Variants in TMEM247 observed in about 807,000 individuals in gnomAD.
TMEM247 encodes transmembrane protein ENSP00000343375.
TMEM247 carries 23 observed loss-of-function variants against 20.7 expected under a neutral mutation model. That is an observed-to-expected ratio of 1.11 (90% CI 0.80 to 1.57). The LOEUF is 1.57. Ranked by LOEUF, TMEM247 falls within the 40% of genes most tolerant of loss-of-function variation. The pLI is 0.00. For synonymous variants in TMEM247, 106 were observed against 111.9 expected (o/e 0.95, Z 0.33); for missense variants, 354 against 283.8 (o/e 1.25, Z -1.78).
At chr2:46,479,655 A>T in exon 1 of TMEM247, 1 of 1,551,712 alleles carries the variant, frequency 6.4e-7, no homozygotes, top group East Asian at 2.4e-5. Flanking sequence ...CTTCCCCAAG[A>T]TGGTGCCTGG....
chr2:46,480,932 T>C (rs528727137), intron 2 of TMEM247, among the ~76,000 whole-genome samples, 168 bp downstream of exon 2: 25 of 152,262 alleles, frequency 1.6e-4, no homozygotes, highest in African/African-American at 5.5e-4. Context: ...TCCAGCCCTC[T>C]CCGCCTTGGC....
At chr2:46,479,810 G>A in intron 1 of TMEM247, 108 bp downstream of exon 1, 1 of 789,884 alleles carries the variant, frequency 1.3e-6, no homozygotes, top group South Asian at 1.7e-5. Context: ...AGAACATCAG[G>A]TGACATGTAC....
rs1301504159 is a variant in TMEM247, at chr2:46,484,295, T to C, written c.529T>C (p.Phe177Leu). Residue 177 changes from phenylalanine (F) to leucine (L), a missense_variant, in exon 3 of 3, where the codon TTC (phenylalanine) becomes CTC (leucine). Physicochemically the swap from Phe to Leu is conservative, Grantham distance 22. Coordinates refer to ENST00000434431, the Ensembl canonical transcript of TMEM247. ...GCTGCCCCAGAACCAGTTTGCCATG[T>C]TCCTGTACTGCTTCATCTTCATTCA... 2.6e-6 allele frequency: 4 copies of C among 1,552,226 alleles called. No homozygotes were observed. In the South Asian group the frequency reaches 4.8e-5, roughly 18 times the overall value.
chr2:46,483,863 C>T (rs1686937211), intron 2 of TMEM247, among the ~76,000 whole-genome samples: 1 of 152,176 alleles, frequency 6.6e-6, no homozygotes, highest in South Asian at 2.1e-4. Context: ...GCATAGCTCA[C>T]CATAACCCCG....
At chr2:46,481,302 GA>G (rs1209757115) in intron 2 of TMEM247, among the ~76,000 whole-genome samples, 4 of 152,184 alleles carry the variant, frequency 2.6e-5, no homozygotes, top group East Asian at 3.9e-4. Flanking sequence ...CTAGTCAACT[GA>G]AACAGCCATC....
chr2:46,480,720 G>A (rs1397901502), exon 2 of TMEM247: 7 of 1,551,366 alleles, frequency 4.5e-6, no homozygotes, highest in Admixed American at 2.0e-5. Context: ...GCGGCAGCAC[G>A]AGGTGGTGAT....
chr2:46,483,765 C>A (rs540021966), intron 2 of TMEM247, among the ~76,000 whole-genome samples: 1 of 152,274 alleles, frequency 6.6e-6, no homozygotes, highest in African/African-American at 2.4e-5. Flanking sequence ...CATTATCTCA[C>A]TTTTCCTCCT....
In TMEM247 at chr2:46,480,784, G is replaced by A. The variant is rs934022828; in HGVS notation, c.477+20G>A. The A allele has an allele frequency of 4.7e-6, 6 of 1,271,418 alleles. No homozygotes were observed. The highest frequency in any genetic ancestry group is 3.4e-5 in the African/African-American group (2 of 58,756). The allele number at this position is 1,271,418 out of a possible 1,614,324, so 78.8% of individuals were successfully genotyped here. Reference sequence around the variant, plus strand: ...CGCCTGGTGGGTGACAAGGAACGGGGCACTGGGAGGAGGGAGGCCTGGAGC... The same window carrying A: ...CGCCTGGTGGGTGACAAGGAACGGGACACTGGGAGGAGGGAGGCCTGGAGC... On this transcript the variant is annotated intron_variant, in intron 2 of 2. Transcript: ENST00000434431.
At position 46,480,540 on chromosome 2, in the gene TMEM247, G is replaced by A. The variant is rs1326077198; in HGVS notation, c.253G>A (p.Asp85Asn). The change falls in exon 2 of 3, where the codon GAC becomes AAC. Residue 85 changes from aspartate to asparagine, a missense_variant. Coordinates refer to ENST00000434431, the Ensembl canonical transcript of TMEM247. Reference sequence around the variant, plus strand: ...CCGTGCTACCAAAGGCCAGGCTGGCGACGGACCCAAACCCGCAGAGCTGCC... The same window carrying A: ...CCGTGCTACCAAAGGCCAGGCTGGCAACGGACCCAAACCCGCAGAGCTGCC... 5.2e-6 allele frequency: 8 copies of A among 1,551,586 alleles called. No homozygotes were observed. The East Asian group carries it at 1.2e-4, about 24-fold the overall frequency.
chr2:46,480,926 G>C (rs1469480910), intron 2 of TMEM247, among the ~76,000 whole-genome samples, 162 bp downstream of exon 2: 1 of 152,186 alleles, frequency 6.6e-6, no homozygotes, highest in Admixed American at 6.5e-5. Flanking sequence ...GCGGTCTCCA[G>C]CCCTCTCCGC....
exon 2 of TMEM247, chr2:46,480,560 G>T (rs968461693): frequency 6.4e-7 from 1 of 1,551,772 alleles, no homozygotes; most frequent in African/African-American, 1.4e-5. Context: ...AACCCGCAGA[G>T]CTGCCCCCGA....
intron 2 of TMEM247, among the ~76,000 whole-genome samples, chr2:46,483,075 T>TC (rs1277945577): frequency 1.3e-5 from 2 of 152,178 alleles, no homozygotes; most frequent in African/African-American, 4.8e-5. Flanking sequence ...TTGAGTGTGT[T>TC]TCTAGCTAGT....
At chr2:46,482,700 G>A (rs914522176) in intron 2 of TMEM247, among the ~76,000 whole-genome samples, 4 of 152,126 alleles carry the variant, frequency 2.6e-5, no homozygotes, top group African/African-American at 9.7e-5. Flanking sequence ...AAGTCCAGGG[G>A]TCCAGAGCCA....
At chr2:46,480,170 G>C (rs896957468) in intron 1 of TMEM247, among the ~76,000 whole-genome samples, 3 of 151,754 alleles carry the variant, frequency 2.0e-5, no homozygotes, top group Admixed American at 6.6e-5. Context: ...TCAACTCCCA[G>C]TGCCTCCACT....
intron 1 of TMEM247, 96 bp downstream of exon 1, chr2:46,479,798 C>G (rs1179901367): frequency 2.3e-6 from 2 of 878,172 alleles, no homozygotes; most frequent in East Asian, 5.4e-5. Flanking sequence ...AGACAACTGC[C>G]AAGAACATCA....
At chr2:46,483,609 C>T (rs1292899271) in intron 2 of TMEM247, among the ~76,000 whole-genome samples, 1 of 152,162 alleles carries the variant, frequency 6.6e-6, no homozygotes, top group Non-Finnish European at 1.5e-5. Flanking sequence ...GGAGAAGACC[C>T]ACGTGTGTGG....
chr2:46,484,206 A>G (rs1330032365), intron 2 of TMEM247, 38 bp from the exon 3 acceptor site: 15 of 1,520,704 alleles, frequency 9.9e-6, no homozygotes, highest in Middle Eastern at 1.7e-4. Context: ...GGCGCCAACA[A>G]TGGCATCATC....
In TMEM247 at chr2:46,480,389, G is replaced by T; in HGVS notation, c.118-16G>T. On this transcript the variant is annotated splice_polypyrimidine_tract_variant and intron_variant, in intron 1 of 2. Coordinates refer to ENST00000434431, the Ensembl canonical transcript of TMEM247. Reference sequence around the variant, plus strand: ...ACTCTTCAAGGTACCTCCCCTCCCTGCTTCCCCTACGCCAGGAGGCAGAGT... The same window carrying T: ...ACTCTTCAAGGTACCTCCCCTCCCTTCTTCCCCTACGCCAGGAGGCAGAGT... The T allele has an allele frequency of 6.6e-7, 1 of 1,525,440 alleles. No homozygotes were observed. 94.5% of individuals were successfully genotyped at this position (1,525,440 alleles called of 1,614,324 possible).
At chr2:46,482,434 T>C (rs1686906515) in intron 2 of TMEM247, among the ~76,000 whole-genome samples, 1 of 152,248 alleles carries the variant, frequency 6.6e-6, no homozygotes, top group African/African-American at 2.4e-5. Flanking sequence ...AACTATGCCT[T>C]TGGCCTGTGT....
Sources: gnomAD v4.1 joint callset for allele counts (sites outside exome capture counted in the v4.1 genomes callset) on GRCh38, gnomAD v4.1.1 for gene constraint, MANE v1.5 for transcripts, NCBI Gene and HGNC (gene_info 2026-07-23, HGNC 2026-07-21) for gene names.